SNCAIP: variants seen among roughly 807,000 people sequenced by gnomAD.
SNCAIP encodes the protein synuclein alpha interacting protein.
SNCAIP carries 43 observed loss-of-function variants against 86.7 expected under a neutral mutation model. That is an observed-to-expected ratio of 0.50 (90% CI 0.39 to 0.64). The LOEUF is 0.64. Ranked by LOEUF, SNCAIP falls within the 30% of genes least tolerant of loss-of-function variation. The probability of loss-of-function intolerance (pLI) is 0.00; values close to 1 mark genes in which losing one functional copy is unlikely to be tolerated. For missense variants in SNCAIP, 981 were observed against 1,103.1 expected, an observed-to-expected ratio of 0.89 and a Z score of 1.57; for synonymous variants, 417 against 427.2, an observed-to-expected ratio of 0.98 and a Z score of 0.29.
chr5:122,450,418 T>C (rs1783482652), intron 9 of SNCAIP, 115 bp from the exon 10 acceptor site: 1 of 811,174 alleles, frequency 1.2e-6, no homozygotes. Context: ...TGTACTTATC[T>C]GTATTCTGTT....
intron 6 of SNCAIP, chr5:122,440,361 C>G (rs1780583652): frequency 4.6e-6 from 2 of 430,322 alleles, no homozygotes; most frequent in Admixed American, 7.0e-5. Context: ...TACTGCAAAC[C>G]TATTTTCCCA....
At chr5:122,339,343 G>A (rs538600236) in intron 1 of SNCAIP, among the ~76,000 whole-genome samples, 1 of 152,264 alleles carries the variant, frequency 6.6e-6, no homozygotes, top group Admixed American at 6.5e-5. Context: ...CACATGGAAT[G>A]CCAATCAATT....
intron 1 of SNCAIP, among the ~76,000 whole-genome samples, chr5:122,327,479 T>TCACACC (rs1754342898): frequency 6.6e-6 from 1 of 152,236 alleles, no homozygotes; most frequent in Admixed American, 6.5e-5. Context: ...AGGGACCTGG[T>TCACACC]AGGAGGTGAC....
chr5:122,412,410 G>C (rs1041314622), intron 3 of SNCAIP, among the ~76,000 whole-genome samples: 1 of 152,006 alleles, frequency 6.6e-6, no homozygotes, highest in Non-Finnish European at 1.5e-5. Context: ...CATCTTTCTT[G>C]ACCTGTCAGC....
intron 1 of SNCAIP, among the ~76,000 whole-genome samples, chr5:122,324,769 A>T (rs1174338911): frequency 6.6e-6 from 1 of 152,216 alleles, no homozygotes; most frequent in Non-Finnish European, 1.5e-5. Flanking sequence ...GATGTTTAAG[A>T]CCCACCATTA....
intron 1 of SNCAIP, among the ~76,000 whole-genome samples, chr5:122,361,240 G>A (rs958494840): frequency 3.5e-5 from 5 of 144,768 alleles, no homozygotes; most frequent in Admixed American, 2.1e-4. Flanking sequence ...TTTATCATTT[G>A]ATAGTCAGAT....
At position 122,330,780 on chromosome 5, in the gene SNCAIP, G is replaced by A. The variant is rs6879671; in HGVS notation, c.-47+18496G>A. 5.1e-3 allele frequency among the ~76,000 whole-genome samples: 774 copies of A among 152,072 alleles called. 5 individuals carry two copies. Among genetic ancestry groups the A allele is most frequent in the African/African-American group, 0.017 (716 of 41,476 alleles). On this transcript the variant is annotated intron_variant, in intron 1 of 10. Coordinates refer to ENST00000261368, the MANE Select transcript of SNCAIP (RefSeq NM_005460.4). ...GGGATAGTTTCAGGATGATTCAAGC[G>A]CATTACGTTTATTGTACACTTTATT... is the stretch of plus-strand genomic sequence containing the variant.
chr5:122,314,042 C>T (rs2152639743), intron 1 of SNCAIP, among the ~76,000 whole-genome samples: 1 of 152,268 alleles, frequency 6.6e-6, no homozygotes, highest in East Asian at 1.9e-4. Flanking sequence ...ATGAATTTGA[C>T]GGTTACCATT....
chr5:122,330,677 A>G (rs1425547081), intron 1 of SNCAIP, among the ~76,000 whole-genome samples: 1 of 152,154 alleles, frequency 6.6e-6, no homozygotes, highest in Non-Finnish European at 1.5e-5. Context: ...GTAAGCCATC[A>G]TTTAATTCAG....
At chr5:122,326,605 CCTTTTTTTTTTTTTTTTT>C (rs1246952684) in intron 1 of SNCAIP, among the ~76,000 whole-genome samples, 1 of 102,432 alleles carries the variant, frequency 9.8e-6, no homozygotes, top group Non-Finnish European at 2.0e-5. Flanking sequence ...AGAAATGTCT[CCTTTTTTTTTTTTTTTTT>C]TTTTTTTTTT....
chr5:122,419,858 C>T (rs1329408323), intron 3 of SNCAIP, among the ~76,000 whole-genome samples: 3 of 151,946 alleles, frequency 2.0e-5, no homozygotes, highest in South Asian at 2.1e-4. Context: ...TAAATAATTG[C>T]GAGTGAAAAT....
rs186085274 is a variant in SNCAIP at position 122,445,167 on chromosome 5, G to A, written c.1592+435G>A. Among the ~76,000 whole-genome samples, 24 of 152,316 alleles carry A rather than the reference G, an allele frequency of 1.6e-4. No individual in the cohort carries two copies. The East Asian group carries it at 4.2e-3, about 27-fold the overall frequency. ...TCCCAGTTTTCTCAAAAAGAAAAAT[G>A]TGTGGGGGAAATTACAGATAAATAA... On this transcript the variant is annotated intron_variant, in intron 8 of 10. Transcript: ENST00000261368.
chr5:122,458,971 A>G (rs1489442845), intron 10 of SNCAIP, among the ~76,000 whole-genome samples: 1 of 152,136 alleles, frequency 6.6e-6, no homozygotes, highest in East Asian at 1.9e-4. Flanking sequence ...TAGAGAGAGG[A>G]AAAGTGGAAG....
chr5:122,407,530 C>T (rs927929502), intron 3 of SNCAIP, among the ~76,000 whole-genome samples: 8 of 152,226 alleles, frequency 5.3e-5, no homozygotes, highest in Admixed American at 3.9e-4. Context: ...AAAGAAGCCT[C>T]AGCATGTAGA....
chr5:122,352,541 A>C (rs1260691012), intron 1 of SNCAIP, among the ~76,000 whole-genome samples: 1 of 152,236 alleles, frequency 6.6e-6, no homozygotes, highest in Non-Finnish European at 1.5e-5. Flanking sequence ...TGGGCAAATG[A>C]TGCAATATCA....
At chr5:122,446,396 A>AGGG (rs1304996084) in intron 8 of SNCAIP, among the ~76,000 whole-genome samples, 2 of 152,236 alleles carry the variant, frequency 1.3e-5, no homozygotes, top group East Asian at 3.8e-4. Flanking sequence ...GGGAATCACA[A>AGGG]AACATCCTCC....
chr5:122,326,551 A>T (rs1580791601), intron 1 of SNCAIP, among the ~76,000 whole-genome samples: 1 of 149,426 alleles, frequency 6.7e-6, no homozygotes, highest in Non-Finnish European at 1.5e-5. Context: ...CCTTGGAAAA[A>T]TTGTCCAAGT....
At chr5:122,405,989 T>A (rs780165531) in intron 3 of SNCAIP, among the ~76,000 whole-genome samples, 7 of 152,096 alleles carry the variant, frequency 4.6e-5, no homozygotes, top group Non-Finnish European at 7.4e-5. Flanking sequence ...GGAAATGGAT[T>A]ATGAGGGAAA....
intron 1 of SNCAIP, among the ~76,000 whole-genome samples, chr5:122,334,379 C>T (rs1378475107): frequency 2.0e-5 from 3 of 152,226 alleles, no homozygotes; most frequent in East Asian, 1.9e-4. Context: ...GATTCAAGTT[C>T]GTACTTGGAG....
Sources: allele counts gnomAD v4.1 joint callset (sites outside exome capture counted in the v4.1 genomes callset), GRCh38; gene constraint gnomAD v4.1.1; transcripts MANE v1.5; gene names NCBI Gene and HGNC (gene_info 2026-07-23, HGNC 2026-07-21).